PYROXD1: variants seen among roughly 807,000 people sequenced by gnomAD.
PYROXD1 encodes the protein pyridine nucleotide-disulphide oxidoreductase domain 1, also known as tRNA ligase complex-associated NAD(P)H dehydrogenase PYROXD1.
Under a neutral mutation model 62.0 loss-of-function variants are expected in PYROXD1, and 42 were observed. The observed-to-expected ratio is 0.68, with a 90% CI of 0.53 to 0.88. PYROXD1 has a LOEUF of 0.88. Ranked by LOEUF, PYROXD1 falls within the 40% of genes least tolerant of loss-of-function variation. PYROXD1 has a pLI of 0.00. For missense variants in PYROXD1, 493 were observed against 604.8 expected (o/e 0.82, Z 1.94); for synonymous variants, 170 against 206.4 (o/e 0.82, Z 1.51).
chr12:21,456,240 T>A, intron 7 of PYROXD1, 145 bp downstream of exon 7: 1 of 583,626 alleles, frequency 1.7e-6, no homozygotes. Context: ...AGACCTCCAA[T>A]GCAGTTGGTC....
chr12:21,467,293 TAATTTAGATAGAATTAACA>T (rs1427199545), intron 10 of PYROXD1, 169 bp from the exon 11 acceptor site: 6 of 470,548 alleles, frequency 1.3e-5, no homozygotes, highest in Non-Finnish European at 2.3e-5. Context: ...TTAGAGGCAG[TAATTTAGATAGAATTAACA>T]AATACCAAAA....
Position 21,470,016 on chromosome 12 carries a change from G to A in PYROXD1, c.*1262G>A, listed in dbSNP as rs182166310. ...TATACTGGAAAATTATATAATTCAT[G>A]ATCTCTAATTTTCAAACATTCTCAA... On this transcript the variant is annotated 3_prime_UTR_variant, in exon 12 of 12. Transcript: ENST00000240651. The A allele has an allele frequency of 1.5e-5, 11 of 751,162 alleles. No individual in the cohort carries two copies. In the East Asian group the frequency reaches 2.3e-4, roughly 16 times the overall value. 46.5% of individuals were successfully genotyped at this position (751,162 alleles called of 1,614,324 possible). A position where few individuals can be genotyped will look rare whatever the true frequency, so the allele number is the denominator to read the frequency against.
At chr12:21,457,182 T>G (rs1942613345) in intron 7 of PYROXD1, 1 of 207,508 alleles carries the variant, frequency 4.8e-6, no homozygotes, top group East Asian at 1.5e-4. Context: ...GAATGGTGAA[T>G]TCTTTCCAGA....
chr12:21,459,669 A>T (rs1220350211), intron 7 of PYROXD1, among the ~76,000 whole-genome samples: 1 of 152,222 alleles, frequency 6.6e-6, no homozygotes, highest in African/African-American at 2.4e-5. Context: ...CCAGGTAGAT[A>T]ATAACATCAG....
At chr12:21,456,857 C>G (rs1205674864) in intron 7 of PYROXD1, 6 of 454,768 alleles carry the variant, frequency 1.3e-5, no homozygotes, top group Non-Finnish European at 2.6e-5. Context: ...AATCCTTCAT[C>G]ATTTCAGCAA....
intron 10 of PYROXD1, 79 bp from the exon 11 acceptor site, chr12:21,467,402 A>T: frequency 7.4e-7 from 1 of 1,354,030 alleles, no homozygotes; most frequent in Non-Finnish European, 1.0e-6. Flanking sequence ...GAACTCCTTT[A>T]AGTGAATTTA....
chr12:21,450,366 C>T (rs1028469237), intron 4 of PYROXD1, among the ~76,000 whole-genome samples: 2 of 152,000 alleles, frequency 1.3e-5, no homozygotes, highest in African/African-American at 2.4e-5. Context: ...AAAGGTGAAG[C>T]GTATTCAAAA....
At position 21,454,553 on chromosome 12, in the gene PYROXD1, A is replaced by C. The variant is rs145156215; in HGVS notation, c.489-579A>C. Among the ~76,000 whole-genome samples, 1,150 of 152,140 alleles carry C rather than the reference A, an allele frequency of 7.6e-3. 20 individuals carry two copies. The highest frequency in any genetic ancestry group is 0.025 in the African/African-American group (1,053 of 41,556). ...TACCTTACATTAGTGGTAAATAGTA[A>C]TAGAAGGTGGCTTATATATACCATT... On this transcript the variant is annotated intron_variant, in intron 5 of 11. Coordinates refer to ENST00000240651, the MANE Select transcript of PYROXD1 (RefSeq NM_024854.5).
chr12:21,467,590 C>T lies in PYROXD1; in HGVS notation c.1226C>T (p.Ala409Val), dbSNP rs947837578. Residue 409 changes from alanine to valine, a missense_variant, in exon 11 of 12, where the codon GCT (alanine) becomes GTT (valine). Transcript: ENST00000240651. ...ATGGATTTCAGCTTTGAACTGTTTG[C>T]TCATGTGACAAAATTTTTTAACTAT... ...IDMDFSFELF[A>V]HVTKFFNYKV... 1.2e-6 allele frequency: 2 copies of T among 1,611,262 alleles called. No homozygotes were observed. Among genetic ancestry groups the T allele is most frequent in the Non-Finnish European group, 1.7e-6 (2 of 1,178,602 alleles).
At chr12:21,456,538 A>G (rs1368237155) in intron 7 of PYROXD1, among the ~76,000 whole-genome samples, 2 of 152,220 alleles carry the variant, frequency 1.3e-5, no homozygotes, top group Non-Finnish European at 2.9e-5. Context: ...TAATTTAAAG[A>G]TACTTTATTG....
At position 21,456,077 on chromosome 12, in the gene PYROXD1, T is replaced by A. The variant is rs1409147486; in HGVS notation, c.732T>A (p.Asn244Lys). Reference protein sequence around the residue: ...ALGPDWHEGLNLKGTKEFSHK... With the variant: ...ALGPDWHEGLKLKGTKEFSHK... ...GACCAGATTGGCATGAAGGCTTGAA[T>A]CTTAAAGGAACAAAAGAGGTATCTT... is the stretch of plus-strand genomic sequence containing the variant. Residue 244 changes from asparagine (N) to lysine (K), a missense_variant, in exon 7 of 12, where the codon AAT becomes AAA. By Grantham distance (94) the Asn-to-Lys change is moderately conservative. Around this residue, in one of 2 missense-constraint regions of PYROXD1, gnomAD observed 329 missense variants for 446.6 expected, o/e 0.74. Transcript: ENST00000240651. The A allele has an allele frequency of 1.2e-6, 2 of 1,604,894 alleles. No individual in the cohort carries two copies. Among genetic ancestry groups the A allele is most frequent in the East Asian group, 2.2e-5 (1 of 44,744 alleles).
intron 7 of PYROXD1, among the ~76,000 whole-genome samples, chr12:21,460,564 C>T (rs1032456711): frequency 2.0e-5 from 3 of 151,958 alleles, no homozygotes; most frequent in South Asian, 2.1e-4. Flanking sequence ...GCTGGGACTA[C>T]AGGCGCACAC....
At chr12:21,443,521 T>G (rs1942333748) in intron 2 of PYROXD1, among the ~76,000 whole-genome samples, 1 of 152,184 alleles carries the variant, frequency 6.6e-6, no homozygotes, top group Non-Finnish European at 1.5e-5. Context: ...CCAAACTTTT[T>G]TTTTCCTGTA....
intron 10 of PYROXD1, among the ~76,000 whole-genome samples, chr12:21,463,561 G>A (rs1036591080): frequency 6.6e-6 from 1 of 151,946 alleles, no homozygotes; most frequent in African/African-American, 2.4e-5. Context: ...GCATGATGGT[G>A]TGCGTCTGTA....
At chr12:21,461,548 T>C (rs1942698529) in intron 8 of PYROXD1, among the ~76,000 whole-genome samples, 1 of 152,186 alleles carries the variant, frequency 6.6e-6, no homozygotes. Context: ...ATTGCCATGA[T>C]TTGAAGAAAT....
At chr12:21,439,723 C>G (rs886516142) in intron 1 of PYROXD1, among the ~76,000 whole-genome samples, 1 of 152,084 alleles carries the variant, frequency 6.6e-6, no homozygotes, top group African/African-American at 2.4e-5. Flanking sequence ...GTCGAGGAAC[C>G]AGACTTTGAG....
Position 21,437,761 on chromosome 12 carries a change from G to A in PYROXD1, c.31G>A (p.Gly11Arg), listed in dbSNP as rs376228368. 1 of 1,613,348 alleles carries A rather than the reference G, an allele frequency of 6.2e-7. No individual in the cohort carries two copies. Among genetic ancestry groups the A allele is most frequent in the Admixed American group, 1.7e-5 (1 of 59,976 alleles). ...GGCAGCGCGCCCTCCCCCGACGGCA[G>A]GGAAGTTCGTGGTGGTCGGCGGCGG... MEAARPPPTAGKFVVVGGGIA... is the reference protein window; with the variant it reads MEAARPPPTARKFVVVGGGIA... The change falls in exon 1 of 12, where the codon GGG becomes AGG. Residue 11 changes from glycine (G) to arginine (R), a missense_variant. This residue lies in a region of PYROXD1 where 164 missense variants were observed against 158.2 expected (regional missense o/e 1.04). Coordinates refer to ENST00000240651, the MANE Select transcript of PYROXD1 (RefSeq NM_024854.5).
At chr12:21,449,505 G>A (rs969830499) in intron 3 of PYROXD1, 58 bp from the exon 4 acceptor site, 4 of 1,534,318 alleles carry the variant, frequency 2.6e-6, no homozygotes, top group East Asian at 2.3e-5. Flanking sequence ...TTAAAGTGAA[G>A]TTGTATCCAT....
chr12:21,447,435 G>A (rs927589695), intron 3 of PYROXD1: 1 of 152,310 alleles, frequency 6.6e-6, no homozygotes, highest in Non-Finnish European at 1.5e-5. Flanking sequence ...GGATTGTCAG[G>A]GAATTTATGT....
Sources: allele counts gnomAD v4.1 joint callset (sites outside exome capture counted in the v4.1 genomes callset), GRCh38; gene constraint gnomAD v4.1.1; regional missense constraint gnomAD v4.1.1; transcripts MANE v1.5; gene names NCBI Gene and HGNC (gene_info 2026-07-23, HGNC 2026-07-21).